RHOU: variants seen among roughly 807,000 people sequenced by gnomAD.
RHOU encodes ras homolog family member U.
A neutral mutation model predicts 12.6 loss-of-function variants in RHOU; 8 were observed. That is an observed-to-expected ratio of 0.64 (90% confidence interval 0.37 to 1.15). The LOEUF (loss-of-function observed/expected upper bound fraction) is 1.15, where lower values mean the gene tolerates loss of function less well. RHOU is among the 50% of genes most tolerant of loss of function. The pLI is 0.01. For missense variants in RHOU, 258 were observed against 347.0 expected, an observed-to-expected ratio of 0.74 and a Z score of 2.04; for synonymous variants, 161 against 147.4, an observed-to-expected ratio of 1.09 and a Z score of -0.67.
At chr1:228,663,679 C>T in the RHOU span, among the ~76,000 whole-genome samples, 4 of 125,760 alleles carry the variant, frequency 3.2e-5, no homozygotes, top group African/African-American at 1.2e-4. Context: ...GTCCCCCAGG[C>T]TGGGGTGCAG....
chr1:228,691,925 A>G, the RHOU span, among the ~76,000 whole-genome samples: 17,447 of 152,224 alleles, frequency 0.11, 1,129 homozygotes, highest in African/African-American at 0.18. Context: ...CATATTATCC[A>G]AAGTTTATTG....
the RHOU span, chr1:228,651,288 C>A: frequency 5.7e-6 from 1 of 174,930 alleles, no homozygotes; most frequent in East Asian, 1.8e-4. Context: ...GTCTACTGCA[C>A]ATTCCCTGCC....
chr1:228,696,301 G>C, the RHOU span, among the ~76,000 whole-genome samples: 3 of 149,114 alleles, frequency 2.0e-5, no homozygotes, highest in South Asian at 6.3e-4. Flanking sequence ...CCAAGGAGAA[G>C]TAGAAGAAAT....
chr1:228,726,967 G>A, the RHOU span, among the ~76,000 whole-genome samples: 1 of 152,128 alleles, frequency 6.6e-6, no homozygotes, highest in Non-Finnish European at 1.5e-5. Context: ...CTGTGCTAAG[G>A]CATCTTCTGA....
chr1:228,729,398 T>G, the RHOU span, among the ~76,000 whole-genome samples: 1 of 152,244 alleles, frequency 6.6e-6, no homozygotes, highest in Non-Finnish European at 1.5e-5. Flanking sequence ...TTTTTAGTTT[T>G]GAGCTCTTAT....
the RHOU span, among the ~76,000 whole-genome samples, chr1:228,724,817 A>G: frequency 6.6e-6 from 1 of 152,168 alleles, no homozygotes; most frequent in Non-Finnish European, 1.5e-5. Flanking sequence ...GGTTTTCCTT[A>G]TGCTAAATAG....
upstream of RHOU, among the ~76,000 whole-genome samples, chr1:228,733,252 C>T: frequency 6.6e-6 from 1 of 152,224 alleles, no homozygotes; most frequent in Non-Finnish European, 1.5e-5. Context: ...CAGACAACTT[C>T]TGTTTTGATC....
chr1:228,652,953 A>G, the RHOU span, among the ~76,000 whole-genome samples: 1 of 152,326 alleles, frequency 6.6e-6, no homozygotes, highest in South Asian at 2.1e-4. Flanking sequence ...AAATTTGGAA[A>G]TGACTTCATG....
chr1:228,704,326 G>A, the RHOU span, among the ~76,000 whole-genome samples: 10 of 152,102 alleles, frequency 6.6e-5, no homozygotes, highest in Non-Finnish European at 1.5e-4. Flanking sequence ...TCATGGTCAC[G>A]CGCTTAATCT....
At chr1:228,688,738 T>C in the RHOU span, among the ~76,000 whole-genome samples, 8 of 152,310 alleles carry the variant, frequency 5.3e-5, no homozygotes, top group South Asian at 1.5e-3. Context: ...GTACTGCCTT[T>C]CAGTATTTGT....
chr1:228,661,776 C>T, the RHOU span, among the ~76,000 whole-genome samples: 350 of 152,224 alleles, frequency 2.3e-3, 2 homozygotes, highest in African/African-American at 8.1e-3. Flanking sequence ...TGGGCAAGGA[C>T]GTCATGACTG....
chr1:228,695,270 A>G, the RHOU span, among the ~76,000 whole-genome samples: 2 of 152,192 alleles, frequency 1.3e-5, no homozygotes, highest in East Asian at 3.8e-4. Flanking sequence ...GTGCCCAGCT[A>G]AGAGTAAGCG....
chr1:228,670,963 T>C, the RHOU span, among the ~76,000 whole-genome samples: 4 of 152,134 alleles, frequency 2.6e-5, no homozygotes, highest in Non-Finnish European at 5.9e-5. Context: ...GAACTGTGAG[T>C]TGATTAAACC....
At chr1:228,717,835 C>G in the RHOU span, among the ~76,000 whole-genome samples, 6 of 152,174 alleles carry the variant, frequency 3.9e-5, no homozygotes, top group African/African-American at 1.2e-4. Context: ...TCCCATGAAT[C>G]CAGCCAGTCA....
At chr1:228,718,139 A>T in the RHOU span, among the ~76,000 whole-genome samples, 578 of 152,296 alleles carry the variant, frequency 3.8e-3, 3 homozygotes, top group Middle Eastern at 0.027. Context: ...AGGTGACAGG[A>T]AGTGGTGATA....
chr1:228,671,480 G>T, the RHOU span, among the ~76,000 whole-genome samples: 2 of 151,878 alleles, frequency 1.3e-5, no homozygotes, highest in African/African-American at 4.8e-5. Context: ...ACTTTGGGAG[G>T]CCGAGGCAAG....
At chr1:228,698,388 T>C in the RHOU span, among the ~76,000 whole-genome samples, 1 of 152,252 alleles carries the variant, frequency 6.6e-6, no homozygotes, top group Non-Finnish European at 1.5e-5. Context: ...CTTAGAACTA[T>C]GTCTCTATAA....
In RHOU at chr1:228,737,703, G is replaced by A. The variant is rs746426779; in HGVS notation, c.293G>A (p.Arg98Lys). The A allele has an allele frequency of 6.2e-7, 1 of 1,614,198 alleles. No individual in the cohort carries two copies. The highest frequency in any genetic ancestry group is 8.5e-7 in the Non-Finnish European group (1 of 1,180,034). Residue 98 changes from arginine (R) to lysine (K), a missense_variant, in exon 2 of 3, where the codon AGA (arginine) becomes AAA (lysine). Arg to Lys is a conservative substitution (Grantham distance 26, BLOSUM62 2). Transcript: ENST00000366691. This position sits in a 1 kb window ranked among gnomAD's most constrained non-coding sequence, Gnocchi z 4.1. The part of the protein sequence containing the change: ...AVVSVDGRPV[R>K]LQLCDTAGQD... ...GTGTCTGTGGATGGGCGGCCCGTGA[G>A]ACTCCAACTCTGTGACACTGCCGGA...
the RHOU span, among the ~76,000 whole-genome samples, chr1:228,694,554 T>C: frequency 7.9e-3 from 1,202 of 152,284 alleles, 17 homozygotes; most frequent in African/African-American, 0.027. Context: ...CTCCCACTTA[T>C]AAGTAAGAAC....
Sources: allele counts gnomAD v4.1 joint callset (sites outside exome capture counted in the v4.1 genomes callset), GRCh38; gene constraint gnomAD v4.1.1; non-coding constraint Gnocchi (gnomAD v3.1); transcripts MANE v1.5; gene names NCBI Gene and HGNC (gene_info 2026-07-23, HGNC 2026-07-21).